The following REL variants were observed in gnomAD, a reference collection of about 807,000 sequenced individuals.
REL encodes the protein proto-oncogene c-Rel.
REL carries 15 observed loss-of-function variants against 45.9 expected under a neutral mutation model. The observed-to-expected ratio is 0.33, with a 90% CI of 0.22 to 0.50. The LOEUF (loss-of-function observed/expected upper bound fraction) is 0.50. Ranked by LOEUF, REL falls within the 20% of genes least tolerant of loss-of-function variation. The pLI, the probability that REL is intolerant of heterozygous loss-of-function variation, is 0.98. For synonymous variants in REL, 239 were observed against 242.1 expected (o/e 0.99, Z 0.12); for missense variants, 601 against 715.2 (o/e 0.84, Z 1.82).
Position 60,919,967 on chromosome 2 carries a change from A to C in REL, c.854-74A>C, listed in dbSNP as rs1558819742. 44 of 940,222 alleles carry C rather than the reference A, an allele frequency of 4.7e-5. 1 individual carries two copies. In the South Asian group the frequency reaches 4.9e-4, roughly 10 times the overall value. The allele number at this position is 940,222 out of a possible 1,614,324, so 58.2% of individuals were successfully genotyped here. A position where few individuals can be genotyped will look rare whatever the true frequency, so the allele number is the denominator to read the frequency against. On this transcript the variant is annotated intron_variant, in intron 7 of 9. Transcript: ENST00000394479. ...TGAAAACATTTTCTATATGTGAATA[A>C]AATATTTGTTTATTAAAGGAGAGGA...
At chr2:60,907,107 G>A (rs574131276) in intron 4 of REL, among the ~76,000 whole-genome samples, 72 of 151,224 alleles carry the variant, frequency 4.8e-4, no homozygotes, top group Middle Eastern at 6.8e-3. Context: ...ATTTTTAGTA[G>A]AGATGGGGTT....
chr2:60,897,065 A>G (rs1254538324), intron 3 of REL, among the ~76,000 whole-genome samples: 1 of 152,122 alleles, frequency 6.6e-6, no homozygotes, highest in Non-Finnish European at 1.5e-5. Context: ...TATAAAGAAG[A>G]ACTTTCCCTT....
intron 3 of REL, among the ~76,000 whole-genome samples, chr2:60,898,240 T>C (rs1254043642): frequency 6.6e-6 from 1 of 152,230 alleles, no homozygotes; most frequent in Non-Finnish European, 1.5e-5. Flanking sequence ...AAAATACAAA[T>C]GAAATTGTCT....
At position 60,881,708 on chromosome 2, in the gene REL, G is replaced by A. The variant is rs1343839292; in HGVS notation, c.-133G>A. 6.2e-6 allele frequency: 4 copies of A among 647,486 alleles called. No homozygotes were observed. The highest frequency in any genetic ancestry group is 1.0e-5 in the Non-Finnish European group (4 of 384,030). The allele number at this position is 647,486 out of a possible 1,614,324, so 40.1% of individuals were successfully genotyped here. A position where few individuals can be genotyped will look rare whatever the true frequency, so the allele number is the denominator to read the frequency against. ...ACCCAGCGGAGGGCGGGAAGAAGGA[G>A]GAGGCCTCTAGGGTGGTCGGGGGAC... On this transcript the variant is annotated 5_prime_UTR_variant, in exon 1 of 10. Coordinates refer to ENST00000394479, the MANE Select transcript of REL (RefSeq NM_001291746.2).
intron 4 of REL, among the ~76,000 whole-genome samples, chr2:60,903,929 A>C (rs1673565980): frequency 6.6e-6 from 1 of 152,004 alleles, no homozygotes; most frequent in South Asian, 2.1e-4. Context: ...GGCCTCCCAA[A>C]GTGCTGGGAT....
rs35103350 is a variant in REL, at chr2:60,882,670, G to T, written c.10+820G>T. ...AGCCTGGGCGACAGAGGGAGACCCTGTCTCTATTTAAAAAAAAAAAAAATG... is the reference window on the plus strand; with the variant it reads ...AGCCTGGGCGACAGAGGGAGACCCTTTCTCTATTTAAAAAAAAAAAAAATG... On this transcript the variant is annotated intron_variant, in intron 1 of 9. Transcript: ENST00000394479. Among the ~76,000 whole-genome samples, 71 of 151,024 alleles carry T rather than the reference G, an allele frequency of 4.7e-4. 1 individual carries two copies. In the Middle Eastern group the frequency reaches 0.017, roughly 36 times the overall value.
intron 3 of REL, among the ~76,000 whole-genome samples, chr2:60,895,489 A>G (rs1013628633): frequency 6.6e-6 from 1 of 152,138 alleles, no homozygotes; most frequent in Non-Finnish European, 1.5e-5. Context: ...GCCCATTTAC[A>G]GTTAACATAA....
At chr2:60,908,818 G>A (rs1255956391) in intron 4 of REL, among the ~76,000 whole-genome samples, 1 of 152,174 alleles carries the variant, frequency 6.6e-6, no homozygotes, top group Non-Finnish European at 1.5e-5. Flanking sequence ...GTTGTTATGA[G>A]AGTAAAAGGC....
At position 60,881,789 on chromosome 2, in the gene REL, C is replaced by A; in HGVS notation, c.-52C>A. ...CTCCTGACTGACTGACTGCGGCCGCCTCCGGCCAGGACGCTGGGAGCTGCC... is the reference window on the plus strand; with the variant it reads ...CTCCTGACTGACTGACTGCGGCCGCATCCGGCCAGGACGCTGGGAGCTGCC... On this transcript the variant is annotated 5_prime_UTR_variant, in exon 1 of 10. Coordinates refer to ENST00000394479, the MANE Select transcript of REL (RefSeq NM_001291746.2). 6.6e-7 allele frequency: 1 copy of A among 1,526,212 alleles called. No individual in the cohort carries two copies. Among genetic ancestry groups the A allele is most frequent in the Non-Finnish European group, 8.8e-7 (1 of 1,137,254 alleles). The allele number at this position is 1,526,212 out of a possible 1,614,324, so 94.5% of individuals were successfully genotyped here. A position where few individuals can be genotyped will look rare whatever the true frequency, so the allele number is the denominator to read the frequency against.
chr2:60,921,669 A>G, intron 9 of REL, 94 bp from the exon 10 acceptor site: 2 of 1,059,260 alleles, frequency 1.9e-6, no homozygotes, highest in Middle Eastern at 2.1e-4. Context: ...ATTTTTCTTT[A>G]TATATATTTG....
chr2:60,886,589 G>C (rs1673077188), intron 1 of REL, among the ~76,000 whole-genome samples: 1 of 152,038 alleles, frequency 6.6e-6, no homozygotes, highest in South Asian at 2.1e-4. Flanking sequence ...AGGATCAAAT[G>C]AGAAATGTAT....
At position 60,922,869 on chromosome 2, in the gene REL, C is replaced by T. The variant is rs555916123; in HGVS notation, c.*334C>T. 7.3e-6 allele frequency: 2 copies of T among 274,006 alleles called. No individual in the cohort carries two copies. The highest frequency in any genetic ancestry group is 1.2e-4 in the South Asian group (1 of 8,470). 17.0% of individuals were successfully genotyped at this position (274,006 alleles called of 1,614,324 possible). Reference sequence around the variant, plus strand: ...GACCAGCCTGGCCAACATGGTGAAACCCCGTCTCTACTAAAAATACAAAAA... The same window carrying T: ...GACCAGCCTGGCCAACATGGTGAAATCCCGTCTCTACTAAAAATACAAAAA... On this transcript the variant is annotated 3_prime_UTR_variant, in exon 10 of 10. Transcript: ENST00000394479.
intron 5 of REL, 86 bp downstream of exon 5, chr2:60,917,103 A>G (rs1673989535): frequency 8.5e-7 from 1 of 1,177,172 alleles, no homozygotes; most frequent in Non-Finnish European, 1.2e-6. Flanking sequence ...TAATTAGGAA[A>G]ACAATATATT....
chr2:60,882,936 A>G (rs1022303848), intron 1 of REL, among the ~76,000 whole-genome samples: 3 of 152,272 alleles, frequency 2.0e-5, no homozygotes, highest in South Asian at 2.1e-4. Flanking sequence ...AGAGCAAGAA[A>G]GTCTCCTATA....
At position 60,928,213 on chromosome 2, in the gene REL, A is replaced by G. The variant is rs1255287045; in HGVS notation, c.*5678A>G. ...GGAAGAACATTCCATGCTCATGGGT[A>G]GGAAGAATCAATATCGTGAAAATGG... is the stretch of plus-strand genomic sequence containing the variant. On this transcript the variant is annotated 3_prime_UTR_variant, in exon 10 of 10. Transcript: ENST00000394479. 5.9e-6 allele frequency: 1 copy of G among 168,324 alleles called. No individual in the cohort carries two copies. The highest frequency in any genetic ancestry group is 6.4e-5 in the Admixed American group (1 of 15,606). 10.4% of individuals were successfully genotyped at this position (168,324 alleles called of 1,614,324 possible). A position where few individuals can be genotyped will look rare whatever the true frequency, so the allele number is the denominator to read the frequency against.
Position 60,928,920 on chromosome 2 carries a change from A to G in REL, c.*6385A>G, listed in dbSNP as rs1426833309. 1.3e-5 allele frequency: 2 copies of G among 149,142 alleles called. No homozygotes were observed. The highest frequency in any genetic ancestry group is 4.9e-5 in the African/African-American group (2 of 41,202). The allele number at this position is 149,142 out of a possible 1,614,324, so 9.2% of individuals were successfully genotyped here. A position where few individuals can be genotyped will look rare whatever the true frequency, so the allele number is the denominator to read the frequency against. ...AAATGGGAGAAAATTTTCGCAACCT[A>G]CTTATCTGACAAAGGGCTAATATCC... On this transcript the variant is annotated 3_prime_UTR_variant, in exon 10 of 10. Coordinates refer to ENST00000394479, the MANE Select transcript of REL (RefSeq NM_001291746.2).
chr2:60,885,018 A>G (rs2103914211), intron 1 of REL, among the ~76,000 whole-genome samples: 1 of 152,308 alleles, frequency 6.6e-6, no homozygotes, highest in East Asian at 1.9e-4. Flanking sequence ...ACATGAAAAA[A>G]TAGAAATAAC....
chr2:60,897,040 A>T (rs1673368636), intron 3 of REL, among the ~76,000 whole-genome samples: 1 of 152,232 alleles, frequency 6.6e-6, no homozygotes, highest in Admixed American at 6.5e-5. Flanking sequence ...TGGCGATATT[A>T]TCTTGGCATT....
At chr2:60,911,468 G>C (rs1467126428) in intron 4 of REL, 3 of 152,068 alleles carry the variant, frequency 2.0e-5, no homozygotes, top group Non-Finnish European at 2.9e-5. Flanking sequence ...AGTTTAAAAG[G>C]GTTAGTGGAT....
Sources: gnomAD v4.1 joint callset for allele counts (sites outside exome capture counted in the v4.1 genomes callset) on GRCh38, gnomAD v4.1.1 for gene constraint, MANE v1.5 for transcripts, NCBI Gene and HGNC (gene_info 2026-07-23, HGNC 2026-07-21) for gene names.